The following NAALADL2 variants were observed in gnomAD, a reference collection of about 807,000 sequenced individuals.
NAALADL2 encodes N-acetylated alpha-linked acidic dipeptidase like 2.
In NAALADL2, 76 loss-of-function variants were observed where a neutral mutation model predicts 87.2. The ratio of observed to expected loss-of-function variants is 0.87; its 90% CI spans 0.72 to 1.05. NAALADL2 has a LOEUF of 1.05. Among genes scored for constraint, NAALADL2 ranks in the 50% least tolerant of loss-of-function variants. NAALADL2 has a pLI of 0.00. For missense variants in NAALADL2, 1,089 were observed against 945.8 expected (o/e 1.15, Z -1.99); for synonymous variants, 354 against 331.0 (o/e 1.07, Z -0.75).
At chr3:175,338,482 G>A (rs756226494) in intron 5 of NAALADL2, among the ~76,000 whole-genome samples, 11 of 150,810 alleles carry the variant, frequency 7.3e-5, no homozygotes, top group Admixed American at 1.3e-4. Flanking sequence ...GTAGGTCCCC[G>A]TCCCTGTGAG....
intron 9 of NAALADL2, among the ~76,000 whole-genome samples, chr3:175,505,477 A>C (rs978140733): frequency 2.0e-5 from 3 of 152,174 alleles, no homozygotes; most frequent in African/African-American, 4.8e-5. Context: ...GTTTCATAGC[A>C]AAAGATAAAA....
intron 1 of NAALADL2, among the ~76,000 whole-genome samples, chr3:175,066,822 C>G (rs188206369): frequency 6.6e-6 from 1 of 152,232 alleles, no homozygotes; most frequent in Admixed American, 6.5e-5. Context: ...CTTGTGAACA[C>G]ACATGTAGGC....
intron 2 of NAALADL2, among the ~76,000 whole-genome samples, chr3:175,105,455 T>G (rs1722930932): frequency 6.6e-6 from 1 of 150,518 alleles, no homozygotes; most frequent in Non-Finnish European, 1.5e-5. Flanking sequence ...ATCATACATA[T>G]ATATGATTCA....
At chr3:175,679,152 C>T (rs1735249369) in intron 11 of NAALADL2, among the ~76,000 whole-genome samples, 1 of 151,962 alleles carries the variant, frequency 6.6e-6, no homozygotes, top group Non-Finnish European at 1.5e-5. Flanking sequence ...AGGCCATTTT[C>T]ACTTCTTTTG....
rs13078668 is a variant in NAALADL2 at position 175,162,446 on chromosome 3, G to A, written c.545+65155G>A. Reference sequence around the variant, plus strand: ...CAAATAATGTTTAAGAGGCAGTGTTGTGGAATAGAGATGGAGGTATCATTT... The same window carrying A: ...CAAATAATGTTTAAGAGGCAGTGTTATGGAATAGAGATGGAGGTATCATTT... On this transcript the variant is annotated intron_variant, in intron 2 of 13. Coordinates refer to ENST00000454872, the MANE Select transcript of NAALADL2 (RefSeq NM_207015.3). 7.6e-3 allele frequency among the ~76,000 whole-genome samples: 1,158 copies of A among 152,250 alleles called. 2 individuals carry two copies. The highest frequency in any genetic ancestry group is 0.024 in the South Asian group (114 of 4,830).
intron 2 of NAALADL2, among the ~76,000 whole-genome samples, chr3:175,194,793 A>G (rs974185025): frequency 4.0e-5 from 6 of 151,790 alleles, no homozygotes; most frequent in Non-Finnish European, 7.4e-5. Context: ...ATTTTTTTCT[A>G]TTTAAGGAAC....
intron 11 of NAALADL2, among the ~76,000 whole-genome samples, chr3:175,665,524 C>T (rs979808763): frequency 3.9e-5 from 6 of 152,096 alleles, no homozygotes; most frequent in African/African-American, 1.4e-4. Flanking sequence ...CATTACCATC[C>T]ATTTTCATAG....
chr3:174,553,792 T>C (rs747789472), intron 2 of NAALADL2, among the ~76,000 whole-genome samples: 2 of 152,210 alleles, frequency 1.3e-5, no homozygotes, highest in African/African-American at 4.8e-5. Context: ...AGAGTCGTTT[T>C]CCATTTCTTG....
At chr3:174,946,043 C>CAA (rs57964168) in intron 1 of NAALADL2, among the ~76,000 whole-genome samples, 1,217 of 50,210 alleles carry the variant, frequency 0.024, 53 homozygotes, top group African/African-American at 0.051. Context: ...GACTCTGCCT[C>CAA]AAAAAAAAAA....
intron 2 of NAALADL2, among the ~76,000 whole-genome samples, chr3:174,677,990 C>T (rs1240206999): frequency 1.3e-5 from 2 of 152,090 alleles, no homozygotes; most frequent in East Asian, 1.9e-4. Flanking sequence ...CTTTGTTCAG[C>T]CTCAACTGGG....
At chr3:175,140,542 G>T (rs1729840470) in intron 2 of NAALADL2, among the ~76,000 whole-genome samples, 1 of 152,064 alleles carries the variant, frequency 6.6e-6, no homozygotes, top group Admixed American at 6.6e-5. Flanking sequence ...CAATAATTTG[G>T]GATTAACTAA....
chr3:174,768,109 A>G (rs1267512119), intron 3 of NAALADL2, among the ~76,000 whole-genome samples: 2 of 152,168 alleles, frequency 1.3e-5, no homozygotes, highest in Non-Finnish European at 2.9e-5. Flanking sequence ...GAGGTTTTGG[A>G]GAACATAGAA....
chr3:174,648,200 G>T (rs1723993524), intron 2 of NAALADL2, among the ~76,000 whole-genome samples: 1 of 152,048 alleles, frequency 6.6e-6, no homozygotes, highest in Admixed American at 6.6e-5. Flanking sequence ...CTCTTACTGT[G>T]CAATCCCAGC....
chr3:175,067,468 C>T (rs573968769), intron 1 of NAALADL2, among the ~76,000 whole-genome samples: 2 of 152,150 alleles, frequency 1.3e-5, no homozygotes, highest in African/African-American at 2.4e-5. Flanking sequence ...GACATATCAG[C>T]GGCCAACAGA....
At chr3:175,230,042 C>A (rs1028141369) in intron 2 of NAALADL2, among the ~76,000 whole-genome samples, 6 of 151,864 alleles carry the variant, frequency 4.0e-5, no homozygotes, top group African/African-American at 1.4e-4. Context: ...CATATGGCAA[C>A]TCATATACGA....
intron 1 of NAALADL2, among the ~76,000 whole-genome samples, chr3:174,502,333 A>T (rs1578037826): frequency 6.6e-6 from 1 of 152,302 alleles, no homozygotes; most frequent in Admixed American, 6.5e-5. Context: ...GTTATAGTTC[A>T]CTTCAAATTT....
intron 4 of NAALADL2, among the ~76,000 whole-genome samples, chr3:175,316,471 G>C (rs1234124645): frequency 6.6e-6 from 1 of 152,298 alleles, no homozygotes; most frequent in Non-Finnish European, 1.5e-5. Context: ...ATTTGAGAGA[G>C]ATAAGTCAGG....
At chr3:175,516,669 G>A (rs569030308) in intron 9 of NAALADL2, among the ~76,000 whole-genome samples, 3 of 152,252 alleles carry the variant, frequency 2.0e-5, no homozygotes, top group East Asian at 1.9e-4. Flanking sequence ...TTTTAGAAAT[G>A]GACACAATTT....
chr3:175,599,082 C>T (rs4072166), intron 10 of NAALADL2, among the ~76,000 whole-genome samples: 113,843 of 151,992 alleles, frequency 0.75, 42,836 homozygotes, highest in East Asian at 0.88. Context: ...GCCTCAGTGG[C>T]AATAACATAT....
Sources: gnomAD v4.1 joint callset for allele counts (sites outside exome capture counted in the v4.1 genomes callset) on GRCh38, gnomAD v4.1.1 for gene constraint, MANE v1.5 for transcripts, NCBI Gene and HGNC (gene_info 2026-07-23, HGNC 2026-07-21) for gene names.